The following TRAPPC9 variants were observed in gnomAD, a reference collection of about 807,000 sequenced individuals.
The protein encoded by TRAPPC9 is IKK2 binding protein.
In TRAPPC9, 83 loss-of-function variants were observed where a neutral mutation model predicts 124.0. The observed-to-expected ratio is 0.67, with a 90% CI of 0.56 to 0.80. The LOEUF (loss-of-function observed/expected upper bound fraction) is 0.80. Among genes scored for constraint, TRAPPC9 ranks in the 30% least tolerant of loss-of-function variants. TRAPPC9 has a pLI of 0.00. For synonymous variants in TRAPPC9, 638 were observed against 617.5 expected, an observed-to-expected ratio of 1.03 and a Z score of -0.49; for missense variants, 1,302 against 1,508.3, an observed-to-expected ratio of 0.86 and a Z score of 2.27.
intron 17 of TRAPPC9, among the ~76,000 whole-genome samples, chr8:140,132,593 C>T (rs1003519093): frequency 1.3e-4 from 20 of 152,292 alleles, no homozygotes; most frequent in African/African-American, 2.6e-4. Flanking sequence ...CCCACGCAGA[C>T]GGCGGGGCCT....
intron 21 of TRAPPC9, among the ~76,000 whole-genome samples, chr8:139,872,661 T>C (rs1409861837): frequency 9.5e-5 from 14 of 147,368 alleles, no homozygotes; most frequent in African/African-American, 2.8e-4. Context: ...AGTGGATGGA[T>C]GGATGGGTGG....
chr8:140,112,231 T>G (rs2060791520), intron 17 of TRAPPC9, among the ~76,000 whole-genome samples: 1 of 142,454 alleles, frequency 7.0e-6, no homozygotes, highest in Non-Finnish European at 1.5e-5. Context: ...GGGAGGAGAG[T>G]AATGGAGAAT....
chr8:140,149,392 G>C (rs554713302), intron 17 of TRAPPC9, among the ~76,000 whole-genome samples: 5 of 152,148 alleles, frequency 3.3e-5, no homozygotes, highest in Admixed American at 6.5e-5. Flanking sequence ...GGCCAAGGTG[G>C]GTGGATCACT....
intron 9 of TRAPPC9, among the ~76,000 whole-genome samples, chr8:140,330,279 T>A (rs1206515151): frequency 6.6e-6 from 1 of 152,078 alleles, no homozygotes; most frequent in Non-Finnish European, 1.5e-5. Flanking sequence ...CCAGGTAGCA[T>A]AATGGTCTAC....
intron 17 of TRAPPC9, among the ~76,000 whole-genome samples, chr8:140,187,796 TCC>T (rs2062385578): frequency 2.6e-5 from 4 of 152,112 alleles, no homozygotes; most frequent in Non-Finnish European, 5.9e-5. Flanking sequence ...CACCTCTGCC[TCC>T]CTAGTAGCTA....
chr8:140,171,714 C>T (rs2061968242), intron 17 of TRAPPC9, among the ~76,000 whole-genome samples: 1 of 152,160 alleles, frequency 6.6e-6, no homozygotes, highest in East Asian at 1.9e-4. Context: ...ACCCCGTGGA[C>T]CCGTAGGAGG....
chr8:140,278,014 T>C (rs2065179094), intron 14 of TRAPPC9, among the ~76,000 whole-genome samples: 1 of 152,198 alleles, frequency 6.6e-6, no homozygotes, highest in South Asian at 2.1e-4. Flanking sequence ...GGCACGCCTG[T>C]GTCCCCCGAG....
intron 17 of TRAPPC9, among the ~76,000 whole-genome samples, chr8:140,128,937 T>C (rs1333019737): frequency 6.6e-6 from 1 of 150,818 alleles, no homozygotes; most frequent in African/African-American, 2.4e-5. Context: ...ACCTGCACGT[T>C]GTGCACATGT....
intron 17 of TRAPPC9, among the ~76,000 whole-genome samples, chr8:140,071,313 C>T (rs868177143): frequency 2.6e-5 from 4 of 152,180 alleles, no homozygotes; most frequent in Non-Finnish European, 4.4e-5. Flanking sequence ...CTCACAGTCT[C>T]GCTCTCACTC....
intron 17 of TRAPPC9, among the ~76,000 whole-genome samples, chr8:140,120,096 G>T (rs1301766417): frequency 6.6e-6 from 1 of 152,150 alleles, no homozygotes. Context: ...GAACCCCTGG[G>T]TGTTTGGCAT....
At chr8:139,738,817 G>A (rs1414124614) in intron 21 of TRAPPC9, among the ~76,000 whole-genome samples, 1 of 152,210 alleles carries the variant, frequency 6.6e-6, no homozygotes, top group East Asian at 1.9e-4. Flanking sequence ...ACCCAGCCTG[G>A]GCGCAGAGCT....
At position 140,451,392 on chromosome 8, in the gene TRAPPC9, A is replaced by C. The variant is rs1259617095; in HGVS notation, c.-10-9T>G. On this transcript the variant is annotated splice_polypyrimidine_tract_variant and intron_variant, in intron 1 of 22. Transcript: ENST00000438773. ...CGCTCATTTTGAAGTCCCTGTTCAGAGAGAAGAAATGAGGCTGTGAGACAC... is the reference window on the plus strand; with the variant it reads ...CGCTCATTTTGAAGTCCCTGTTCAGCGAGAAGAAATGAGGCTGTGAGACAC... 3.8e-6 allele frequency: 6 copies of C among 1,598,106 alleles called. No individual in the cohort carries two copies. The highest frequency in any genetic ancestry group is 1.7e-4 in the Middle Eastern group (1 of 6,052).
chr8:140,357,371 T>A (rs1284740867), intron 9 of TRAPPC9, among the ~76,000 whole-genome samples: 1 of 152,058 alleles, frequency 6.6e-6, no homozygotes, highest in Non-Finnish European at 1.5e-5. Flanking sequence ...GGCGAAGGGC[T>A]CAGGGCCGTG....
At chr8:140,261,938 C>G (rs1423991493) in intron 15 of TRAPPC9, among the ~76,000 whole-genome samples, 1 of 152,208 alleles carries the variant, frequency 6.6e-6, no homozygotes, top group South Asian at 2.1e-4. Flanking sequence ...ATACTAGTTA[C>G]TGTTACTTAA....
At chr8:139,763,678 GCA>G (rs1326237393) in intron 21 of TRAPPC9, among the ~76,000 whole-genome samples, 1 of 152,248 alleles carries the variant, frequency 6.6e-6, no homozygotes, top group African/African-American at 2.4e-5. Context: ...ACGCACGCGT[GCA>G]CACACACGTC....
intron 16 of TRAPPC9, among the ~76,000 whole-genome samples, chr8:140,230,077 T>C (rs1356564895): frequency 6.6e-6 from 1 of 152,082 alleles, no homozygotes; most frequent in East Asian, 1.9e-4. Context: ...AGGGGAAATG[T>C]AAACATTCAC....
upstream of TRAPPC9, chr8:140,458,165 AGATGGAG>A: frequency 6.6e-7 from 1 of 1,514,958 alleles, no homozygotes; most frequent in Non-Finnish European, 8.9e-7. Context: ...AGATGGAGGG[AGATGGAG>A]CGAGGAGGGA....
At chr8:140,213,567 A>G (rs2063115893) in intron 17 of TRAPPC9, among the ~76,000 whole-genome samples, 1 of 149,402 alleles carries the variant, frequency 6.7e-6, no homozygotes, top group Admixed American at 6.7e-5. Context: ...TTTTCTACTG[A>G]CTTTGGGTTT....
At chr8:139,957,042 C>T (rs1835035111) in intron 19 of TRAPPC9, among the ~76,000 whole-genome samples, 1 of 152,260 alleles carries the variant, frequency 6.6e-6, no homozygotes, top group Admixed American at 6.5e-5. Context: ...AATCGCATTC[C>T]ACACAGAGCG....
Sources: allele counts gnomAD v4.1 joint callset (sites outside exome capture counted in the v4.1 genomes callset), GRCh38; gene constraint gnomAD v4.1.1; transcripts MANE v1.5; gene names NCBI Gene and HGNC (gene_info 2026-07-23, HGNC 2026-07-21).